Variants in GLCCI1 observed in about 807,000 individuals in gnomAD.
GLCCI1 encodes glucocorticoid-induced transcript 1 protein.
GLCCI1 carries 24 observed loss-of-function variants against 52.2 expected under a neutral mutation model. That is an observed-to-expected ratio of 0.46 (90% CI 0.33 to 0.65). The LOEUF is 0.65. Ranked by LOEUF, GLCCI1 falls within the 30% of genes least tolerant of loss-of-function variation. GLCCI1 has a pLI of 0.02. For synonymous variants in GLCCI1, 310 were observed against 276.5 expected, an observed-to-expected ratio of 1.12 and a Z score of -1.20; for missense variants, 704 against 701.5, an observed-to-expected ratio of 1.00 and a Z score of -0.04.
chr7:8,039,206 TA>T (rs915997307), intron 3 of GLCCI1, among the ~76,000 whole-genome samples: 2 of 152,158 alleles, frequency 1.3e-5, no homozygotes, highest in African/African-American at 4.8e-5. Flanking sequence ...CTCACAGAAC[TA>T]AAAATAGAAC....
chr7:8,068,179 T>C (rs947949569), intron 5 of GLCCI1, among the ~76,000 whole-genome samples: 3 of 152,134 alleles, frequency 2.0e-5, no homozygotes, highest in Non-Finnish European at 4.4e-5. Flanking sequence ...TGAAACCCCA[T>C]CTCTACTAAA....
chr7:8,022,092 A>G (rs752403784), intron 2 of GLCCI1, among the ~76,000 whole-genome samples: 8 of 152,268 alleles, frequency 5.3e-5, no homozygotes, highest in East Asian at 1.9e-4. Flanking sequence ...TCTTAATACT[A>G]TTGCTTTTGA....
chr7:7,990,953 G>A (rs1004294365), intron 1 of GLCCI1, among the ~76,000 whole-genome samples: 3 of 151,998 alleles, frequency 2.0e-5, no homozygotes, highest in Non-Finnish European at 4.4e-5. Context: ...TGTGGGGGTG[G>A]GGAGAATACA....
At chr7:8,068,374 T>G (rs2127963680) in intron 5 of GLCCI1, among the ~76,000 whole-genome samples, 1 of 152,292 alleles carries the variant, frequency 6.6e-6, no homozygotes, top group East Asian at 1.9e-4. Flanking sequence ...AAATTTCGTC[T>G]TAGTTCAGAG....
chr7:8,041,513 A>G (rs933047407), intron 3 of GLCCI1, among the ~76,000 whole-genome samples: 2 of 152,238 alleles, frequency 1.3e-5, no homozygotes, highest in Non-Finnish European at 2.9e-5. Flanking sequence ...GATGTTGTCT[A>G]GGACTTTCAT....
intron 3 of GLCCI1, among the ~76,000 whole-genome samples, chr7:8,054,766 T>G (rs980464582): frequency 7.9e-5 from 12 of 152,218 alleles, no homozygotes; most frequent in Admixed American, 7.2e-4. Flanking sequence ...TTACATCACC[T>G]AAAATATGTA....
At chr7:8,064,357 G>A (rs1224222222) in intron 5 of GLCCI1, among the ~76,000 whole-genome samples, 1 of 152,136 alleles carries the variant, frequency 6.6e-6, no homozygotes, top group Non-Finnish European at 1.5e-5. Flanking sequence ...TATTGAATAG[G>A]GAGTACTTTC....
chr7:7,995,403 G>A (rs923976237), intron 1 of GLCCI1, among the ~76,000 whole-genome samples: 6 of 152,194 alleles, frequency 3.9e-5, no homozygotes, highest in Middle Eastern at 3.4e-3. Flanking sequence ...CCAAATACTC[G>A]GGAAGCTAAG....
chr7:7,974,704 G>T (rs1259450257), intron 1 of GLCCI1, among the ~76,000 whole-genome samples: 2 of 152,124 alleles, frequency 1.3e-5, no homozygotes, highest in African/African-American at 4.8e-5. Flanking sequence ...CTAAAAGTCT[G>T]TTTTATTAAA....
chr7:8,010,534 A>G (rs1781243321), intron 2 of GLCCI1, among the ~76,000 whole-genome samples: 1 of 152,200 alleles, frequency 6.6e-6, no homozygotes, highest in Non-Finnish European at 1.5e-5. Context: ...TAGACATTCT[A>G]TAATTATCCC....
At chr7:8,015,162 G>A (rs192384639) in intron 2 of GLCCI1, among the ~76,000 whole-genome samples, 270 of 152,318 alleles carry the variant, frequency 1.8e-3, no homozygotes, top group African/African-American at 5.0e-3. Flanking sequence ...TTCTGTTGAC[G>A]TCATATTTAA....
intron 3 of GLCCI1, among the ~76,000 whole-genome samples, chr7:8,023,745 T>C (rs944518560): frequency 6.6e-6 from 1 of 151,584 alleles, no homozygotes; most frequent in Admixed American, 6.6e-5. Context: ...ATTACAGATA[T>C]GTGCCACCAT....
intron 1 of GLCCI1, among the ~76,000 whole-genome samples, chr7:8,002,333 C>T (rs1156336050): frequency 3.3e-5 from 5 of 152,082 alleles, no homozygotes; most frequent in Non-Finnish European, 7.4e-5. Context: ...AAAATATCTT[C>T]TCTGTAATTC....
intron 3 of GLCCI1, among the ~76,000 whole-genome samples, chr7:8,050,473 T>C (rs1297841730): frequency 6.6e-6 from 1 of 152,180 alleles, no homozygotes; most frequent in East Asian, 1.9e-4. Context: ...TTAACTAGAC[T>C]ATAGACCTTT....
At chr7:8,009,550 T>A (rs577403909) in intron 2 of GLCCI1, among the ~76,000 whole-genome samples, 2 of 152,316 alleles carry the variant, frequency 1.3e-5, no homozygotes, top group South Asian at 4.1e-4. Context: ...TGAAGTTAAG[T>A]GTGGCCATGA....
chr7:8,052,750 A>T (rs1238086909), intron 3 of GLCCI1, among the ~76,000 whole-genome samples: 1 of 152,208 alleles, frequency 6.6e-6, no homozygotes, highest in East Asian at 1.9e-4. Flanking sequence ...TGAACTGAGG[A>T]CACCAGGTCT....
intron 1 of GLCCI1, among the ~76,000 whole-genome samples, chr7:7,993,555 A>G (rs1328546086): frequency 1.3e-5 from 2 of 152,166 alleles, no homozygotes; most frequent in East Asian, 3.8e-4. Flanking sequence ...TTTGGCTACT[A>G]TTCTAGATTG....
rs547927302 is a variant in GLCCI1, at chr7:7,969,921, A to T, written c.457+114A>T. On this transcript the variant is annotated intron_variant, in intron 1 of 7. Coordinates refer to ENST00000223145, the MANE Select transcript of GLCCI1 (RefSeq NM_138426.4). The surrounding 1 kb of genome is among the most constrained non-coding windows in gnomAD (Gnocchi z 4.9). ...GCTAGTGCATTATCGAAGGTGTGAAAGTGGCTTTGGGAATCTCACCCCCCT... is the reference window on the plus strand; with the variant it reads ...GCTAGTGCATTATCGAAGGTGTGAATGTGGCTTTGGGAATCTCACCCCCCT... 50 of 1,111,884 alleles carry T rather than the reference A, an allele frequency of 4.5e-5. No homozygotes were observed. In the South Asian group the frequency reaches 1.3e-3, roughly 29 times the overall value. 68.9% of individuals were successfully genotyped at this position (1,111,884 alleles called of 1,614,324 possible). A position where few individuals can be genotyped will look rare whatever the true frequency, so the allele number is the denominator to read the frequency against.
chr7:8,051,235 A>G (rs907321355), intron 3 of GLCCI1, among the ~76,000 whole-genome samples: 2 of 152,242 alleles, frequency 1.3e-5, no homozygotes, highest in Non-Finnish European at 2.9e-5. Context: ...GTTGTTAGAA[A>G]TGTCATTAGC....
Sources: gnomAD v4.1 joint callset for allele counts (sites outside exome capture counted in the v4.1 genomes callset) on GRCh38, gnomAD v4.1.1 for gene constraint, Gnocchi (gnomAD v3.1) non-coding constraint, MANE v1.5 for transcripts, NCBI Gene and HGNC (gene_info 2026-07-23, HGNC 2026-07-21) for gene names.